TAS1R2: variants seen among roughly 807,000 people sequenced by gnomAD.
TAS1R2 encodes taste 1 receptor member 2.
TAS1R2 carries 47 observed loss-of-function variants against 49.3 expected under a neutral mutation model. That is an observed-to-expected ratio of 0.95 (90% CI 0.75 to 1.22). The LOEUF is 1.22. Among genes scored for constraint, TAS1R2 ranks in the 50% most tolerant of loss-of-function variants. The probability of loss-of-function intolerance (pLI) is 0.00; values close to 1 mark genes in which losing one functional copy is unlikely to be tolerated. For missense variants in TAS1R2, 1,155 were observed against 1,122.1 expected (o/e 1.03, Z -0.42); for synonymous variants, 479 against 467.9 (o/e 1.02, Z -0.31).
intron 4 of TAS1R2, 200 bp downstream of exon 4, chr1:18,849,141 C>T (rs28422791): frequency 0.42 from 253,771 of 608,620 alleles, 53,970 homozygotes; most frequent in East Asian, 0.55. Context: ...CCTGGGAAAC[C>T]AGAAAGCCCT....
chr1:18,846,271 A>G (rs1250192600), intron 4 of TAS1R2, among the ~76,000 whole-genome samples: 1 of 152,142 alleles, frequency 6.6e-6, no homozygotes, highest in Non-Finnish European at 1.5e-5. Context: ...AGGTGATGGG[A>G]GCTAGTGGAT....
chr1:18,856,576 C>G (rs995577880), intron 2 of TAS1R2, among the ~76,000 whole-genome samples: 1 of 152,164 alleles, frequency 6.6e-6, no homozygotes, highest in Non-Finnish European at 1.5e-5. Flanking sequence ...CAGCTGTATC[C>G]CAGCACCTAC....
At chr1:18,857,469 C>T (rs753556006) in exon 2 of TAS1R2, 44 of 1,614,178 alleles carry the variant, frequency 2.7e-5, no homozygotes, top group Non-Finnish European at 3.5e-5. Flanking sequence ...CCTCGTGTGC[C>T]AGGAAGTAGA....
chr1:18,849,254 G>A, intron 4 of TAS1R2, 87 bp downstream of exon 4: 1 of 1,387,062 alleles, frequency 7.2e-7, no homozygotes, highest in Non-Finnish European at 1.0e-6. Context: ...TCCAGGCTCT[G>A]TCCCTAATGA....
chr1:18,840,155 A>C (rs1375821531), exon 6 of TAS1R2: 1 of 1,614,136 alleles, frequency 6.2e-7, no homozygotes, highest in Non-Finnish European at 8.5e-7. Flanking sequence ...GGCGCAGACG[A>C]TCTGGAAAGA....
intron 4 of TAS1R2, among the ~76,000 whole-genome samples, chr1:18,842,285 G>T (rs1557595549): frequency 6.6e-6 from 1 of 152,084 alleles, no homozygotes; most frequent in Non-Finnish European, 1.5e-5. Context: ...CAGGATTACA[G>T]AACACTTCCC....
At chr1:18,851,562 G>A (rs554763271) in intron 3 of TAS1R2, among the ~76,000 whole-genome samples, 8 of 152,028 alleles carry the variant, frequency 5.3e-5, no homozygotes, top group East Asian at 1.9e-4. Context: ...AACTCCTGAC[G>A]TCATGATTCA....
chr1:18,857,648 A>G lies in TAS1R2; in HGVS notation c.183-17T>C. On this transcript the variant is annotated splice_polypyrimidine_tract_variant and intron_variant, in intron 1 of 5. Transcript: ENST00000375371. ...ACTTCATACCTGGAGGGGCCACAGCATCATGAGGTGGAAGCAGATCCAGAA... is the reference window on the plus strand; with the variant it reads ...ACTTCATACCTGGAGGGGCCACAGCGTCATGAGGTGGAAGCAGATCCAGAA... 6.2e-7 allele frequency: 1 copy of G among 1,605,002 alleles called. No individual in the cohort carries two copies. Among genetic ancestry groups the G allele is most frequent in the Non-Finnish European group, 8.5e-7 (1 of 1,174,934 alleles).
exon 2 of TAS1R2, chr1:18,857,470 A>G (rs756813162): frequency 2.5e-5 from 40 of 1,614,114 alleles, no homozygotes; most frequent in Non-Finnish European, 8.5e-7. Flanking sequence ...CTCGTGTGCC[A>G]GGAAGTAGAG....
chr1:18,844,383 G>A (rs1933879231), intron 4 of TAS1R2, among the ~76,000 whole-genome samples: 1 of 152,192 alleles, frequency 6.6e-6, no homozygotes, highest in Non-Finnish European at 1.5e-5. Flanking sequence ...TGAGCACAAA[G>A]CATGAAGATC....
chr1:18,854,685 T>C lies in TAS1R2; in HGVS notation c.785A>G (p.Asp262Gly), dbSNP rs751199530. ...GCGCGCTGTGCTCTGCTGCAGCTTG[T>C]CCACAATGGTCACCAGGCGCTGGCG... Residue 262 changes from aspartate to glycine, a missense_variant, in exon 3 of 6, where the codon GAC (aspartate) becomes GGC (glycine). Transcript: ENST00000375371. This position sits in a 1 kb window ranked among gnomAD's most constrained non-coding sequence, Gnocchi z 4.9. 1.2e-6 allele frequency: 2 copies of C among 1,613,854 alleles called. No homozygotes were observed. Among genetic ancestry groups the C allele is most frequent in the Non-Finnish European group, 1.7e-6 (2 of 1,179,942 alleles).
At position 18,854,609 on chromosome 1, in the gene TAS1R2, C is replaced by T. The variant is rs1049098348; in HGVS notation, c.861G>A (p.Glu287=). The change falls in exon 3 of 6, where the codon GAG becomes GAA. Residue 287 remains glutamate (E), a synonymous_variant. Transcript: ENST00000375371. The surrounding 1 kb of genome is among the most constrained non-coding windows in gnomAD (Gnocchi z 4.9). ...CGCCAGTGAAGTTCTGGCGCAGCACCTCATTGAAGAAGTGGTACAGGGTCA... is the reference window on the plus strand; with the variant it reads ...CGCCAGTGAAGTTCTGGCGCAGCACTTCATTGAAGAAGTGGTACAGGGTCA... 6.2e-7 allele frequency: 1 copy of T among 1,614,108 alleles called. No individual in the cohort carries two copies. Among genetic ancestry groups the T allele is most frequent in the African/African-American group, 1.3e-5 (1 of 75,058 alleles).
rs772527483 is a variant in TAS1R2, at chr1:18,840,377, A to G, written c.1742T>C (p.Leu581Pro). The G allele has an allele frequency of 4.3e-5, 70 of 1,614,054 alleles. No individual in the cohort carries two copies. The highest frequency in any genetic ancestry group is 5.5e-5 in the Non-Finnish European group (65 of 1,180,046). ...CCTCCAGAATATCACCAGGATGGCC[A>G]GGGTGCTGAGGAAGCCCAGGGCGGC... The change falls in exon 6 of 6, where the codon CTG (leucine) becomes CCG (proline). Residue 581 changes from leucine to proline, a missense_variant. Leu to Pro is a moderately conservative substitution (Grantham distance 98, BLOSUM62 -3). Transcript: ENST00000375371.
At chr1:18,857,000 C>T (rs1053356160) in intron 2 of TAS1R2, among the ~76,000 whole-genome samples, 2 of 152,220 alleles carry the variant, frequency 1.3e-5, no homozygotes, top group African/African-American at 4.8e-5. Flanking sequence ...AGGTTGAACA[C>T]TAACCTTCAG....
intron 5 of TAS1R2, among the ~76,000 whole-genome samples, chr1:18,841,271 C>G (rs1933818268): frequency 6.6e-6 from 1 of 152,224 alleles, no homozygotes. Context: ...TCAACAAGCA[C>G]CCACTGAGCA....
At chr1:18,841,941 G>C in intron 4 of TAS1R2, 89 bp from the exon 5 acceptor site, 1 of 1,363,264 alleles carries the variant, frequency 7.3e-7, no homozygotes, top group Non-Finnish European at 9.7e-7. Context: ...ATGTTCAGGG[G>C]AGGAAGCCTA....
intron 4 of TAS1R2, among the ~76,000 whole-genome samples, chr1:18,842,298 C>G (rs760502461): frequency 1.3e-5 from 2 of 152,198 alleles, no homozygotes; most frequent in Non-Finnish European, 2.9e-5. Flanking sequence ...CACTTCCCCT[C>G]TATCTCACCA....
At chr1:18,846,290 CCCT>C (rs1184409706) in intron 4 of TAS1R2, among the ~76,000 whole-genome samples, 1 of 152,208 alleles carries the variant, frequency 6.6e-6, no homozygotes, top group East Asian at 1.9e-4. Context: ...ATTACTGCCA[CCCT>C]CCTCCCTCCT....
At chr1:18,840,228 G>A (rs1383239783) in exon 6 of TAS1R2, 17 of 1,614,014 alleles carry the variant, frequency 1.1e-5, no homozygotes, top group Middle Eastern at 1.6e-4. Flanking sequence ...TGGCGGCAGA[G>A]GCAGGTGGAG....
Sources: allele counts gnomAD v4.1 joint callset (sites outside exome capture counted in the v4.1 genomes callset), GRCh38; gene constraint gnomAD v4.1.1; non-coding constraint Gnocchi (gnomAD v3.1); transcripts MANE v1.5; gene names NCBI Gene and HGNC (gene_info 2026-07-23, HGNC 2026-07-21).